Variants in ARHGEF10L observed in about 807,000 individuals in gnomAD.
ARHGEF10L encodes Rho guanine nucleotide exchange factor 10 like.
ARHGEF10L carries 69 observed loss-of-function variants against 141.2 expected under a neutral mutation model. The observed-to-expected ratio is 0.49, with a 90% CI of 0.40 to 0.60. ARHGEF10L has a LOEUF of 0.60. Among genes scored for constraint, ARHGEF10L ranks in the 20% least tolerant of loss-of-function variants. The pLI is 0.00. For synonymous variants in ARHGEF10L, 711 were observed against 718.5 expected, an observed-to-expected ratio of 0.99 and a Z score of 0.17; for missense variants, 1,482 against 1,734.3, an observed-to-expected ratio of 0.85 and a Z score of 2.58.
intron 18 of ARHGEF10L, 98 bp downstream of exon 18, chr1:17,635,114 C>G (rs1309025623): frequency 6.9e-7 from 1 of 1,459,848 alleles, no homozygotes; most frequent in Non-Finnish European, 9.3e-7. Context: ...TCTTGGGGAC[C>G]CCTACATAGG....
chr1:17,611,239 T>G (rs557980357), intron 7 of ARHGEF10L, among the ~76,000 whole-genome samples: 2 of 152,336 alleles, frequency 1.3e-5, no homozygotes, highest in Admixed American at 6.5e-5. Context: ...TGTGAAACTA[T>G]TTTATGGATG....
In ARHGEF10L at chr1:17,697,676, C is replaced by G; in HGVS notation, c.*296C>G. The G allele has an allele frequency of 1.8e-6, 1 of 566,706 alleles. No homozygotes were observed. The highest frequency in any genetic ancestry group is 3.3e-6 in the Non-Finnish European group (1 of 298,860). 35.1% of individuals were successfully genotyped at this position (566,706 alleles called of 1,614,324 possible). The stretch of plus-strand genomic sequence containing the variant: ...CAAGCCCAGTATCACTTGTTTGGGC[C>G]CTAGCGGGACTCCAAGGCAGCCACA... On this transcript the variant is annotated 3_prime_UTR_variant, in exon 29 of 29. Transcript: ENST00000361221. This position sits in a 1 kb window ranked among gnomAD's most constrained non-coding sequence, Gnocchi z 4.8.
rs2101813393 is a variant in ARHGEF10L at position 17,639,332 on chromosome 1, G to A, written c.2171+643G>A. 6.6e-6 allele frequency among the ~76,000 whole-genome samples: 1 copy of A among 152,376 alleles called. No homozygotes were observed. The stretch of plus-strand genomic sequence containing the variant: ...TGATGAGGTCTGACTCTGAAGCCCA[G>A]GCCAGTGCAATGAGGGGGCTCAATG... On this transcript the variant is annotated intron_variant, in intron 20 of 28. Transcript: ENST00000361221. The surrounding 1 kb of genome is among the most constrained non-coding windows in gnomAD (Gnocchi z 4.3).
Position 17,569,100 on chromosome 1 carries a change from C to T in ARHGEF10L, c.-43-11453C>T, listed in dbSNP as rs1322926804. ...TTCTTGGCTTTGAACAAATCTCTCTCCCTCTCTGAGCCTCAGTTTCCTCCT... is the reference window on the plus strand; with the variant it reads ...TTCTTGGCTTTGAACAAATCTCTCTTCCTCTCTGAGCCTCAGTTTCCTCCT... On this transcript the variant is annotated intron_variant, in intron 1 of 28. Transcript: ENST00000361221. 3.3e-5 allele frequency among the ~76,000 whole-genome samples: 5 copies of T among 152,332 alleles called. No individual in the cohort carries two copies. The East Asian group carries it at 9.6e-4, about 29-fold the overall frequency.
At chr1:17,520,063 A>C in the ARHGEF10L span, among the ~76,000 whole-genome samples, 1 of 152,008 alleles carries the variant, frequency 6.6e-6, no homozygotes, top group South Asian at 2.1e-4. Context: ...CAGTGGTCGG[A>C]GCTCAGCCCT....
the ARHGEF10L span, among the ~76,000 whole-genome samples, chr1:17,522,413 G>C: frequency 6.6e-5 from 10 of 152,166 alleles, no homozygotes; most frequent in Non-Finnish European, 1.3e-4. Context: ...TAGAGGCTCA[G>C]AGACGTCAGG....
rs755365372 is a variant in ARHGEF10L at position 17,697,287 on chromosome 1, C to A, written c.3747C>A (p.Asn1249Lys). The change falls in exon 29 of 29, where the codon AAC becomes AAA. Residue 1249 changes from asparagine to lysine, a missense_variant. By Grantham distance (94) the Asn-to-Lys change is moderately conservative (BLOSUM62 0). This residue lies in a region of ARHGEF10L where 858 missense variants were observed against 966.3 expected (regional missense o/e 0.89). Coordinates refer to ENST00000361221, the MANE Select transcript of ARHGEF10L (RefSeq NM_018125.4). This position sits in a 1 kb window ranked among gnomAD's most constrained non-coding sequence, Gnocchi z 4.8. Reference protein sequence around the residue: ...AIISGGQGYRNFGSALGSSGR... With the variant: ...AIISGGQGYRKFGSALGSSGR... ...TCTCCGGCGGGCAGGGCTACCGCAA[C>A]TTTGGCAGCGCTCTGGGCAGCAGTG... 6.2e-7 allele frequency: 1 copy of A among 1,612,802 alleles called. No individual in the cohort carries two copies. The highest frequency in any genetic ancestry group is 8.5e-7 in the Non-Finnish European group (1 of 1,179,864).
At chr1:17,612,889 T>A (rs148247365) in intron 7 of ARHGEF10L, among the ~76,000 whole-genome samples, 169 bp from the exon 8 acceptor site, 33 of 152,382 alleles carry the variant, frequency 2.2e-4, no homozygotes, top group South Asian at 2.1e-4. Flanking sequence ...GGGCAGGATC[T>A]GGCTGGACTG....
Position 17,638,004 on chromosome 1 carries a change from G to A in ARHGEF10L, c.2043+1G>A. On this transcript the variant is annotated splice_donor_variant, in intron 19 of 28. Transcript: ENST00000361221. LOFTEE classifies it high-confidence loss of function. The stretch of plus-strand genomic sequence containing the variant: ...CAGCACGCTGCACGGCACCTACCAG[G>A]TACGTGGCCTGGCCTGACCTTTTTG... The A allele has an allele frequency of 6.3e-7, 1 of 1,576,862 alleles. No homozygotes were observed. The highest frequency in any genetic ancestry group is 8.6e-7 in the Non-Finnish European group (1 of 1,160,550).
the ARHGEF10L span, among the ~76,000 whole-genome samples, chr1:17,527,285 A>G: frequency 9.2e-5 from 14 of 152,230 alleles, no homozygotes; most frequent in African/African-American, 2.9e-4. Flanking sequence ...ATCAGAATTC[A>G]TGTGGTCGGA....
In ARHGEF10L at chr1:17,673,594, G is replaced by A. The variant is rs1571445276; in HGVS notation, c.3009+8999G>A. ...CACACTCAGGCAGAGTGGCCGCTAC[G>A]CAATGGTCCTCTGTGAGCCTGGCAG... On this transcript the variant is annotated intron_variant, in intron 26 of 28. Transcript: ENST00000361221. The surrounding 1 kb of genome is among the most constrained non-coding windows in gnomAD (Gnocchi z 4.1). 6.6e-6 allele frequency among the ~76,000 whole-genome samples: 1 copy of A among 152,194 alleles called. No homozygotes were observed. The highest frequency in any genetic ancestry group is 2.4e-5 in the African/African-American group (1 of 41,436).
the ARHGEF10L span, among the ~76,000 whole-genome samples, chr1:17,527,179 C>T: frequency 6.6e-6 from 1 of 152,208 alleles, no homozygotes; most frequent in Non-Finnish European, 1.5e-5. Flanking sequence ...AACTAGAAAC[C>T]CTGGGCTCTG....
Position 17,542,411 on chromosome 1 carries a change from C to T in ARHGEF10L, c.-44+2461C>T, listed in dbSNP as rs372734702. Among the ~76,000 whole-genome samples the T allele has an allele frequency of 2.3e-4, 35 of 152,236 alleles. No homozygotes were observed. The Middle Eastern group carries it at 0.01, about 44-fold the overall frequency. ...CTGCAGTGAGCTGTGATTGTGCCAC[C>T]GTACTACAGCTTAAGTGACAGAGGG... On this transcript the variant is annotated intron_variant, in intron 1 of 28. Transcript: ENST00000361221.
rs955135363 is a variant in ARHGEF10L at position 17,602,083 on chromosome 1, G to A, written c.258-44G>A. On this transcript the variant is annotated intron_variant, in intron 4 of 28. Coordinates refer to ENST00000361221, the MANE Select transcript of ARHGEF10L (RefSeq NM_018125.4). ...GTGAGGGGCTGCCAGAGGCTTCTGG[G>A]AGCCACCTCTGGACACCTCTGCAGT... 16 of 1,468,720 alleles carry A rather than the reference G, an allele frequency of 1.1e-5. No homozygotes were observed. In the African/African-American group the frequency reaches 2.1e-4, roughly 20 times the overall value. The allele number at this position is 1,468,720 out of a possible 1,614,324, so 91.0% of individuals were successfully genotyped here.
At chr1:17,681,599 G>A (rs1415843942) in intron 26 of ARHGEF10L, among the ~76,000 whole-genome samples, 2 of 152,212 alleles carry the variant, frequency 1.3e-5, no homozygotes, top group East Asian at 1.9e-4. Context: ...CCAATGAGCT[G>A]CCAGTGTTCG....
chr1:17,638,077 AG>A (rs1340765841), intron 19 of ARHGEF10L, 74 bp downstream of exon 19: 2 of 1,351,448 alleles, frequency 1.5e-6, no homozygotes, highest in African/African-American at 2.9e-5. Context: ...AAAGCTGAGT[AG>A]GGAGGGGCTC....
intron 22 of ARHGEF10L, among the ~76,000 whole-genome samples, chr1:17,649,928 G>A (rs1030341886): frequency 1.3e-5 from 2 of 152,220 alleles, no homozygotes; most frequent in Admixed American, 6.5e-5. Context: ...GGCGGGCCCC[G>A]AGGTTCGCTG....
At chr1:17,671,829 C>T (rs2063339886) in intron 26 of ARHGEF10L, among the ~76,000 whole-genome samples, 1 of 152,202 alleles carries the variant, frequency 6.6e-6, no homozygotes, top group Admixed American at 6.5e-5. Context: ...GGCTGGCTCC[C>T]ATTGTTACCA....
At chr1:17,535,367 T>G (rs1036152111), upstream of ARHGEF10L, among the ~76,000 whole-genome samples, 2 of 152,204 alleles carry the variant, frequency 1.3e-5, no homozygotes, top group Non-Finnish European at 2.9e-5. Flanking sequence ...ACTCCCCTCC[T>G]GCTGTGTGAC....
Sources: allele counts gnomAD v4.1 joint callset (sites outside exome capture counted in the v4.1 genomes callset), GRCh38; gene constraint gnomAD v4.1.1; regional missense constraint gnomAD v4.1.1; non-coding constraint Gnocchi (gnomAD v3.1); transcripts MANE v1.5; gene names NCBI Gene and HGNC (gene_info 2026-07-23, HGNC 2026-07-21).